The following GALNT18 variants were observed in gnomAD, a reference collection of about 807,000 sequenced individuals.
GALNT18 encodes GalNAc-transferase 18.
GALNT18 carries 44 observed loss-of-function variants against 69.5 expected under a neutral mutation model. That is an observed-to-expected ratio of 0.63 (90% CI 0.50 to 0.81). GALNT18 has a LOEUF of 0.81. Among genes scored for constraint, GALNT18 ranks in the 40% least tolerant of loss-of-function variants. The pLI, the probability that GALNT18 is intolerant of heterozygous loss-of-function variation, is 0.00. For missense variants in GALNT18, 715 were observed against 810.0 expected, an observed-to-expected ratio of 0.88 and a Z score of 1.42; for synonymous variants, 364 against 318.2, an observed-to-expected ratio of 1.14 and a Z score of -1.53.
At chr11:11,473,681 G>C (rs1286809680) in intron 1 of GALNT18, among the ~76,000 whole-genome samples, 2 of 152,156 alleles carry the variant, frequency 1.3e-5, no homozygotes, top group Non-Finnish European at 2.9e-5. Context: ...GGGGGAGAGA[G>C]AAGCAAGTTC....
Position 11,444,473 on chromosome 11 carries a change from G to A in GALNT18, c.428+4271C>T, listed in dbSNP as rs1855601857. Reference sequence around the variant, plus strand: ...CCGTCCGACGCTTTGTTGGGTGCCGGGCACATCATGAGTGCTCAGTAAATG... The same window carrying A: ...CCGTCCGACGCTTTGTTGGGTGCCGAGCACATCATGAGTGCTCAGTAAATG... On this transcript the variant is annotated intron_variant, in intron 2 of 10. Transcript: ENST00000227756. The surrounding 1 kb of genome is among the most constrained non-coding windows in gnomAD (Gnocchi z 4.4). Among the ~76,000 whole-genome samples, 1 of 152,146 alleles carries A rather than the reference G, an allele frequency of 6.6e-6. No homozygotes were observed. The highest frequency in any genetic ancestry group is 1.5e-5 in the Non-Finnish European group (1 of 68,038).
chr11:11,277,492 C>T (rs1848974210), intron 10 of GALNT18, among the ~76,000 whole-genome samples: 1 of 152,162 alleles, frequency 6.6e-6, no homozygotes, highest in Non-Finnish European at 1.5e-5. Flanking sequence ...TTTCATGTCT[C>T]TATCTCCTTC....
At chr11:11,327,457 G>T (rs1849943469) in intron 8 of GALNT18, among the ~76,000 whole-genome samples, 1 of 152,248 alleles carries the variant, frequency 6.6e-6, no homozygotes, top group African/African-American at 2.4e-5. Flanking sequence ...ACAAGATGGT[G>T]CTTGTTCTTC....
intron 1 of GALNT18, among the ~76,000 whole-genome samples, chr11:11,468,186 T>G (rs11021863): frequency 0.19 from 28,822 of 152,244 alleles, 3,114 homozygotes; most frequent in East Asian, 0.42. Flanking sequence ...ATCATTCTCC[T>G]CTGTCCCACA....
Position 11,340,799 on chromosome 11 carries a change from T to C in GALNT18, c.1278+20A>G. ...TTTCCACCAATCCCCGAGAAACTCA[T>C]CCCTACCGGAGATCCCTACCTCCTG... On this transcript the variant is annotated intron_variant, in intron 7 of 10. Coordinates refer to ENST00000227756, the MANE Select transcript of GALNT18 (RefSeq NM_198516.3). The surrounding 1 kb of genome is among the most constrained non-coding windows in gnomAD (Gnocchi z 4.2). 1 of 1,586,074 alleles carries C rather than the reference T, an allele frequency of 6.3e-7. No homozygotes were observed.
At chr11:11,328,803 T>C (rs1186360931) in intron 8 of GALNT18, among the ~76,000 whole-genome samples, 1 of 152,082 alleles carries the variant, frequency 6.6e-6, no homozygotes, top group East Asian at 1.9e-4. Context: ...AAGAGGTGGG[T>C]GTCATATCTA....
At chr11:11,371,742 C>T (rs1850911687) in intron 6 of GALNT18, among the ~76,000 whole-genome samples, 1 of 152,138 alleles carries the variant, frequency 6.6e-6, no homozygotes, top group Non-Finnish European at 1.5e-5. Context: ...TTGTTGTATC[C>T]ATCATCACAT....
chr11:11,620,864 C>G lies in GALNT18; in HGVS notation c.235+495G>C, dbSNP rs1286044256. Among the ~76,000 whole-genome samples, 1 of 152,216 alleles carries G rather than the reference C, an allele frequency of 6.6e-6. No individual in the cohort carries two copies. Among genetic ancestry groups the G allele is most frequent in the Non-Finnish European group, 1.5e-5 (1 of 68,034 alleles). ...GGCTGATACAACGCAATTTTCCTAG[C>G]CTCGCTTGTCCGGCAGCCTGCGGGT... On this transcript the variant is annotated intron_variant, in intron 1 of 10. Coordinates refer to ENST00000227756, the MANE Select transcript of GALNT18 (RefSeq NM_198516.3). This position sits in a 1 kb window ranked among gnomAD's most constrained non-coding sequence, Gnocchi z 6.9.
intron 2 of GALNT18, among the ~76,000 whole-genome samples, chr11:11,443,342 T>G (rs1302470765): frequency 1.3e-5 from 2 of 152,112 alleles, no homozygotes; most frequent in Non-Finnish European, 2.9e-5. Context: ...ACTTCTTCAG[T>G]CGCTTTCTCA....
At position 11,574,351 on chromosome 11, in the gene GALNT18, G is replaced by A. The variant is rs141438274; in HGVS notation, c.235+47008C>T. ...CTGGTCAAATCTGCTCCCTAGACTGGGGGAGTAGAGAACCTGAGGGCTGGA... is the reference window on the plus strand; with the variant it reads ...CTGGTCAAATCTGCTCCCTAGACTGAGGGAGTAGAGAACCTGAGGGCTGGA... On this transcript the variant is annotated intron_variant, in intron 1 of 10. Coordinates refer to ENST00000227756, the MANE Select transcript of GALNT18 (RefSeq NM_198516.3). Among the ~76,000 whole-genome samples the A allele has an allele frequency of 1.0e-3, 155 of 152,294 alleles. 1 individual carries two copies. In the East Asian group the frequency reaches 0.027, roughly 27 times the overall value.
intron 3 of GALNT18, among the ~76,000 whole-genome samples, chr11:11,407,918 C>T (rs1452072715): frequency 6.6e-6 from 1 of 152,200 alleles, no homozygotes; most frequent in African/African-American, 2.4e-5. Context: ...GGAGGCCCCA[C>T]CCGCAGTCAT....
At chr11:11,367,872 C>A (rs1480881221) in intron 6 of GALNT18, among the ~76,000 whole-genome samples, 3 of 152,250 alleles carry the variant, frequency 2.0e-5, no homozygotes, top group South Asian at 4.2e-4. Flanking sequence ...AATAAGCATA[C>A]AGCATACAAT....
intron 1 of GALNT18, among the ~76,000 whole-genome samples, chr11:11,503,508 TCATC>T (rs1857012333): frequency 6.6e-6 from 1 of 152,178 alleles, no homozygotes; most frequent in South Asian, 2.1e-4. Context: ...CTGCAGGTGT[TCATC>T]CATCCCATCA....
At chr11:11,354,170 A>T (rs7102029) in intron 6 of GALNT18, among the ~76,000 whole-genome samples, 146,905 of 152,342 alleles carry the variant, frequency 0.96, 71,040 homozygotes, top group East Asian at 1. Context: ...GGGCATCATC[A>T]CTGGTGTCAT....
intron 3 of GALNT18, among the ~76,000 whole-genome samples, chr11:11,397,318 T>C (rs2133728875): frequency 6.6e-6 from 1 of 152,212 alleles, no homozygotes; most frequent in South Asian, 2.1e-4. Flanking sequence ...TAGACAGATA[T>C]CAAAGAGTGT....
intron 10 of GALNT18, among the ~76,000 whole-genome samples, chr11:11,288,916 G>A (rs1316029407): frequency 6.6e-6 from 1 of 152,176 alleles, no homozygotes. Context: ...CAGCCTGAGT[G>A]TCTGTGGAGC....
intron 1 of GALNT18, among the ~76,000 whole-genome samples, chr11:11,521,122 T>C (rs1857389363): frequency 1.3e-5 from 2 of 151,402 alleles, no homozygotes; most frequent in Admixed American, 6.6e-5. Context: ...GAATCTCGTA[T>C]CCTCTTCCTT....
chr11:11,574,738 G>A (rs1739631748), intron 1 of GALNT18, among the ~76,000 whole-genome samples: 1 of 151,598 alleles, frequency 6.6e-6, no homozygotes, highest in African/African-American at 2.4e-5. Flanking sequence ...ACAGCTAAGA[G>A]ATCCACACAA....
chr11:11,411,004 C>T (rs1854714026), intron 3 of GALNT18, among the ~76,000 whole-genome samples: 1 of 152,180 alleles, frequency 6.6e-6, no homozygotes, highest in African/African-American at 2.4e-5. Flanking sequence ...TGCCACAGCC[C>T]TTGGCAGGTT....
Sources: allele counts gnomAD v4.1 joint callset (sites outside exome capture counted in the v4.1 genomes callset), GRCh38; gene constraint gnomAD v4.1.1; non-coding constraint Gnocchi (gnomAD v3.1); transcripts MANE v1.5; gene names NCBI Gene and HGNC (gene_info 2026-07-23, HGNC 2026-07-21).